The following DSCAML1 variants were observed in gnomAD, a reference collection of about 807,000 sequenced individuals.
DSCAML1 encodes the protein DS cell adhesion molecule like 1.
Under a neutral mutation model 200.5 loss-of-function variants are expected in DSCAML1, and 38 were observed. The observed-to-expected ratio is 0.19, with a 90% CI of 0.15 to 0.25. The LOEUF (loss-of-function observed/expected upper bound fraction) is 0.25, where lower values mean the gene tolerates loss of function less well. Ranked by LOEUF, DSCAML1 falls within the 10% of genes least tolerant of loss-of-function variation. The pLI, the probability that DSCAML1 is intolerant of heterozygous loss-of-function variation, is 1.00. For missense variants in DSCAML1, 2,223 were observed against 2,858.8 expected (o/e 0.78, Z 5.07); for synonymous variants, 1,215 against 1,165.0 (o/e 1.04, Z -0.87).
intron 21 of DSCAML1, among the ~76,000 whole-genome samples, chr11:117,442,350 ATG>A (rs560505297): frequency 9.7e-4 from 131 of 135,296 alleles, no homozygotes; most frequent in African/African-American, 3.6e-3. Context: ...ATGTGTGTGC[ATG>A]TGTGTATGCA....
chr11:117,516,441 G>C lies in DSCAML1; in HGVS notation c.1783+26C>G, dbSNP rs77514552. 2.7e-5 allele frequency: 43 copies of C among 1,601,334 alleles called. No homozygotes were observed. The highest frequency in any genetic ancestry group is 3.6e-5 in the Non-Finnish European group (42 of 1,172,484). The stretch of plus-strand genomic sequence containing the variant: ...CATCCTGGGTGGTCAGGCGGGCAGG[G>C]GCCCTGGCTGGTGAGGGAGGCCTAC... On this transcript the variant is annotated intron_variant, in intron 8 of 32. Coordinates refer to ENST00000651296, the MANE Select transcript of DSCAML1 (RefSeq NM_020693.4). This position sits in a 1 kb window ranked among gnomAD's most constrained non-coding sequence, Gnocchi z 5.7.
chr11:117,635,376 C>T (rs1226273950), intron 3 of DSCAML1, among the ~76,000 whole-genome samples: 4 of 151,898 alleles, frequency 2.6e-5, no homozygotes, highest in East Asian at 1.9e-4. Flanking sequence ...GCCAGAGTCC[C>T]GGATATCCAA....
At chr11:117,669,333 G>A (rs2053052570) in intron 3 of DSCAML1, among the ~76,000 whole-genome samples, 1 of 152,244 alleles carries the variant, frequency 6.6e-6, no homozygotes, top group Non-Finnish European at 1.5e-5. Flanking sequence ...GGCTGGCTCT[G>A]AGAAAGCTCT....
chr11:117,514,222 T>C (rs1178115312), intron 8 of DSCAML1, among the ~76,000 whole-genome samples: 1 of 152,192 alleles, frequency 6.6e-6, no homozygotes, highest in Non-Finnish European at 1.5e-5. Context: ...CCTCCCCTGG[T>C]CAACGCTATT....
Position 117,431,739 on chromosome 11 carries a change from A to C in DSCAML1, c.5180-11T>G, listed in dbSNP as rs760860181. The C allele has an allele frequency of 4.0e-6, 6 of 1,518,266 alleles. No homozygotes were observed. Among genetic ancestry groups the C allele is most frequent in the Non-Finnish European group, 5.3e-6 (6 of 1,125,492 alleles). The allele number at this position is 1,518,266 out of a possible 1,614,324, so 94.0% of individuals were successfully genotyped here. On this transcript the variant is annotated splice_polypyrimidine_tract_variant and intron_variant, in intron 30 of 32. Transcript: ENST00000651296. ...TCCTGGACACTGGATCTGCACAGAC[A>C]GAAGCAAGAAATTGCATCCTCCAAC...
In DSCAML1 at chr11:117,780,236, G is replaced by GAA. The variant is rs1565280678; in HGVS notation, c.364+255_364+256dup. Among the ~76,000 whole-genome samples, 16 of 52,734 alleles carry GAA rather than the reference G, an allele frequency of 3.0e-4. 1 individual carries two copies. Among genetic ancestry groups the GAA allele is most frequent in the African/African-American group, 1.0e-3 (14 of 13,494 alleles). 34.6% of individuals were successfully genotyped at this position (52,734 alleles called of 152,430 possible). A position where few individuals can be genotyped will look rare whatever the true frequency, so the allele number is the denominator to read the frequency against. The stretch of plus-strand genomic sequence containing the variant: ...GAGAGAGAGAAAGAAAGAAAGGAAA[G>GAA]AAAGAAAGAAAGAAAGAAAGAAAGA... On this transcript the variant is annotated intron_variant, in intron 2 of 32. Coordinates refer to ENST00000651296, the MANE Select transcript of DSCAML1 (RefSeq NM_020693.4). The surrounding 1 kb of genome is among the most constrained non-coding windows in gnomAD (Gnocchi z 4.8).
chr11:117,599,775 A>C (rs1356431739), intron 3 of DSCAML1, among the ~76,000 whole-genome samples: 9 of 152,244 alleles, frequency 5.9e-5, no homozygotes, highest in African/African-American at 4.8e-5. Context: ...CATACAGTGC[A>C]CAGAGATGTA....
chr11:117,709,145 G>A (rs2053801099), intron 3 of DSCAML1, among the ~76,000 whole-genome samples: 1 of 152,196 alleles, frequency 6.6e-6, no homozygotes, highest in Non-Finnish European at 1.5e-5. Context: ...CTCAGATACT[G>A]CCTAGTTTCA....
chr11:117,475,221 A>G (rs920297147), intron 14 of DSCAML1, among the ~76,000 whole-genome samples: 1 of 152,010 alleles, frequency 6.6e-6, no homozygotes, highest in African/African-American at 2.4e-5. Context: ...GCCATTGTCC[A>G]CTCTACAAAT....
intron 1 of DSCAML1, among the ~76,000 whole-genome samples, chr11:117,790,168 C>T (rs902661945): frequency 6.6e-6 from 1 of 152,222 alleles, no homozygotes; most frequent in Non-Finnish European, 1.5e-5. Flanking sequence ...ATACTGTGAC[C>T]TTAAATGAGG....
At chr11:117,814,251 G>A (rs2055784407) in intron 1 of DSCAML1, among the ~76,000 whole-genome samples, 1 of 151,960 alleles carries the variant, frequency 6.6e-6, no homozygotes, top group African/African-American at 2.4e-5. Context: ...GACTCAGCCC[G>A]CCTGCACCCA....
intron 3 of DSCAML1, among the ~76,000 whole-genome samples, chr11:117,578,331 C>T (rs1262229493): frequency 6.6e-6 from 1 of 151,960 alleles, no homozygotes; most frequent in Non-Finnish European, 1.5e-5. Flanking sequence ...CACTGCCACA[C>T]CTTCTCAGTC....
At chr11:117,499,275 A>T (rs1387177022) in intron 11 of DSCAML1, among the ~76,000 whole-genome samples, 2 of 152,184 alleles carry the variant, frequency 1.3e-5, no homozygotes, top group African/African-American at 4.8e-5. Context: ...TCTTCTGTTA[A>T]CTAAATTTAT....
At chr11:117,588,163 A>G (rs2051187065) in intron 3 of DSCAML1, among the ~76,000 whole-genome samples, 1 of 152,078 alleles carries the variant, frequency 6.6e-6, no homozygotes, top group African/African-American at 2.4e-5. Context: ...CTGAGGTCAT[A>G]TAGCTAATAG....
At chr11:117,791,827 G>A (rs1457002422) in intron 1 of DSCAML1, among the ~76,000 whole-genome samples, 5 of 152,238 alleles carry the variant, frequency 3.3e-5, no homozygotes, top group Non-Finnish European at 5.9e-5. Context: ...GCAGGGAGAG[G>A]AAGGTAGAGG....
At chr11:117,749,401 C>T (rs1157361057) in intron 3 of DSCAML1, among the ~76,000 whole-genome samples, 2 of 152,254 alleles carry the variant, frequency 1.3e-5, no homozygotes, top group Non-Finnish European at 2.9e-5. Context: ...AAGGCCAACG[C>T]TATTGACACA....
At chr11:117,783,485 C>G (rs1180520540) in intron 1 of DSCAML1, among the ~76,000 whole-genome samples, 1 of 152,156 alleles carries the variant, frequency 6.6e-6, no homozygotes, top group African/African-American at 2.4e-5. Flanking sequence ...TAATAGCCAC[C>G]ACTGACTTCA....
At chr11:117,509,515 C>T (rs2049576359) in intron 8 of DSCAML1, among the ~76,000 whole-genome samples, 1 of 152,154 alleles carries the variant, frequency 6.6e-6, no homozygotes, top group Non-Finnish European at 1.5e-5. Flanking sequence ...GGGGGATGGG[C>T]AGGTGCGATG....
At chr11:117,442,921 C>T (rs181938497) in intron 21 of DSCAML1, among the ~76,000 whole-genome samples, 74 of 152,320 alleles carry the variant, frequency 4.9e-4, no homozygotes, top group African/African-American at 1.7e-3. Context: ...AATGGGTCAA[C>T]AAGCCCTGCT....
Sources: gnomAD v4.1 joint callset for allele counts (sites outside exome capture counted in the v4.1 genomes callset) on GRCh38, gnomAD v4.1.1 for gene constraint, Gnocchi (gnomAD v3.1) non-coding constraint, MANE v1.5 for transcripts, NCBI Gene and HGNC (gene_info 2026-07-23, HGNC 2026-07-21) for gene names.